Variants in ADCY9 observed in about 807,000 individuals in gnomAD.
ADCY9 encodes adenylate cyclase type 9.
In ADCY9, 50 loss-of-function variants were observed where a neutral mutation model predicts 101.5. The observed-to-expected ratio is 0.49, with a 90% CI of 0.39 to 0.62. The LOEUF is 0.62. Ranked by LOEUF, ADCY9 falls within the 20% of genes least tolerant of loss-of-function variation. The pLI is 0.00. For synonymous variants in ADCY9, 905 were observed against 769.3 expected (o/e 1.18, Z -2.92); for missense variants, 1,662 against 1,800.4 (o/e 0.92, Z 1.39).
At chr16:3,987,970 G>A (rs1436255167) in intron 6 of ADCY9, among the ~76,000 whole-genome samples, 2 of 147,928 alleles carry the variant, frequency 1.4e-5, no homozygotes, top group Admixed American at 6.6e-5. Flanking sequence ...TGAGCGCTGG[G>A]ACTCTGCTGG....
chr16:3,989,136 C>A (rs1190620512), intron 5 of ADCY9, 40 bp from the exon 6 acceptor site: 2 of 1,442,078 alleles, frequency 1.4e-6, no homozygotes, highest in Non-Finnish European at 2.0e-6. Context: ...ATACCCAGCA[C>A]CATAACTGTG....
chr16:3,984,415 G>A (rs2056173099), intron 6 of ADCY9, among the ~76,000 whole-genome samples: 1 of 152,198 alleles, frequency 6.6e-6, no homozygotes, highest in African/African-American at 2.4e-5. Context: ...CAATTGAGGG[G>A]GAGAAATAAC....
chr16:4,113,631 G>A, intron 2 of ADCY9, 119 bp downstream of exon 2: 1 of 1,324,166 alleles, frequency 7.6e-7, no homozygotes, highest in Non-Finnish European at 1.0e-6. Context: ...ATCCCCCCAT[G>A]GTAAGGCATT....
At chr16:3,986,338 G>T (rs1042666594) in intron 6 of ADCY9, among the ~76,000 whole-genome samples, 4 of 152,128 alleles carry the variant, frequency 2.6e-5, no homozygotes, top group African/African-American at 7.2e-5. Context: ...CCTCCCCACC[G>T]GGACCCTGTG....
intron 2 of ADCY9, among the ~76,000 whole-genome samples, chr16:4,069,311 G>A (rs2056819283): frequency 1.4e-5 from 2 of 138,420 alleles, no homozygotes; most frequent in Admixed American, 7.0e-5. Flanking sequence ...TAGGGGGATT[G>A]TACATTTAGC....
chr16:4,042,751 G>A (rs1454962307), intron 2 of ADCY9, among the ~76,000 whole-genome samples: 2 of 152,328 alleles, frequency 1.3e-5, no homozygotes, highest in South Asian at 2.1e-4. Flanking sequence ...GCCACCTGGC[G>A]AACTCTGTGT....
At chr16:4,109,343 T>C (rs1413410174) in intron 2 of ADCY9, among the ~76,000 whole-genome samples, 2 of 152,124 alleles carry the variant, frequency 1.3e-5, no homozygotes, top group Non-Finnish European at 2.9e-5. Context: ...GATCCTCCTA[T>C]ATTATTGACT....
chr16:3,977,332 TATG>T (rs2056100390), intron 9 of ADCY9, 147 bp downstream of exon 9: 1 of 986,136 alleles, frequency 1.0e-6, no homozygotes, highest in African/African-American at 1.6e-5. Context: ...AGCTCTTTGG[TATG>T]ATGTGTGCTG....
intron 2 of ADCY9, among the ~76,000 whole-genome samples, chr16:4,012,082 C>A (rs2056408042): frequency 6.6e-6 from 1 of 152,224 alleles, no homozygotes; most frequent in African/African-American, 2.4e-5. Context: ...TGATTTGTTT[C>A]TGACTTGAGT....
chr16:4,022,597 T>C (rs956888617), intron 2 of ADCY9, among the ~76,000 whole-genome samples: 9 of 151,620 alleles, frequency 5.9e-5, no homozygotes, highest in African/African-American at 2.2e-4. Flanking sequence ...TATGTGTATA[T>C]CCGTGCATAT....
downstream of ADCY9, among the ~76,000 whole-genome samples, chr16:3,962,189 T>C (rs2055944282): frequency 6.6e-6 from 1 of 152,162 alleles, no homozygotes; most frequent in Non-Finnish European, 1.5e-5. Context: ...AGAGGCTCTA[T>C]GACTTTAAAC....
At chr16:4,007,221 G>T in intron 3 of ADCY9, 147 bp downstream of exon 3, 2 of 649,436 alleles carry the variant, frequency 3.1e-6, no homozygotes, top group Non-Finnish European at 4.8e-6. Context: ...ACTAACTTTA[G>T]ACTAAATATT....
At chr16:4,033,313 C>T (rs1007136523) in intron 2 of ADCY9, among the ~76,000 whole-genome samples, 2 of 152,130 alleles carry the variant, frequency 1.3e-5, no homozygotes, top group Non-Finnish European at 2.9e-5. Flanking sequence ...AAATGAGTTG[C>T]TTCCGTAGAT....
intron 2 of ADCY9, among the ~76,000 whole-genome samples, chr16:4,024,922 G>A (rs1256417095): frequency 6.6e-6 from 1 of 152,164 alleles, no homozygotes; most frequent in African/African-American, 2.4e-5. Context: ...CATGAAATCA[G>A]AAGGGAGCTC....
At chr16:4,075,748 G>T (rs1437343639) in intron 2 of ADCY9, among the ~76,000 whole-genome samples, 1 of 152,120 alleles carries the variant, frequency 6.6e-6, no homozygotes, top group Non-Finnish European at 1.5e-5. Flanking sequence ...TGGGGCAGCG[G>T]GGGGGCCAGG....
At chr16:4,011,252 C>T (rs2056402525) in intron 2 of ADCY9, among the ~76,000 whole-genome samples, 1 of 152,186 alleles carries the variant, frequency 6.6e-6, no homozygotes, top group Non-Finnish European at 1.5e-5. Context: ...TAAAGGATGG[C>T]TTGGAGCTCA....
At chr16:4,063,711 CA>C (rs372170652) in intron 2 of ADCY9, among the ~76,000 whole-genome samples, 36 of 129,654 alleles carry the variant, frequency 2.8e-4, no homozygotes, top group Admixed American at 3.2e-4. Context: ...GATCATGTCT[CA>C]AAAAAAAAAA....
intron 2 of ADCY9, among the ~76,000 whole-genome samples, chr16:4,052,056 G>A (rs2056705166): frequency 6.6e-6 from 1 of 152,148 alleles, no homozygotes; most frequent in South Asian, 2.1e-4. Flanking sequence ...TCAGACCTGT[G>A]TGCGTTCCTG....
At chr16:4,110,883 C>A (rs887749305) in intron 2 of ADCY9, among the ~76,000 whole-genome samples, 29 of 152,152 alleles carry the variant, frequency 1.9e-4, no homozygotes, top group Admixed American at 9.2e-4. Context: ...TGCTTCTGCC[C>A]CATCCCTGTA....
Sources: gnomAD v4.1 joint callset for allele counts (sites outside exome capture counted in the v4.1 genomes callset) on GRCh38, gnomAD v4.1.1 for gene constraint, MANE v1.5 for transcripts, NCBI Gene and HGNC (gene_info 2026-07-23, HGNC 2026-07-21) for gene names.